The following MET variants were observed in gnomAD, a reference collection of about 807,000 sequenced individuals.
MET encodes the protein hepatocyte growth factor receptor.
In MET, 48 loss-of-function variants were observed where a neutral mutation model predicts 133.1. That is an observed-to-expected ratio of 0.36 (90% CI 0.29 to 0.46). The LOEUF (loss-of-function observed/expected upper bound fraction) is 0.46, where lower values mean the gene tolerates loss of function less well. Ranked by LOEUF, MET falls within the 20% of genes least tolerant of loss-of-function variation. The probability of loss-of-function intolerance (pLI) is 1.00; values close to 1 mark genes in which losing one functional copy is unlikely to be tolerated. For missense variants in MET, 1,442 were observed against 1,695.9 expected, an observed-to-expected ratio of 0.85 and a Z score of 2.63; for synonymous variants, 628 against 616.5, an observed-to-expected ratio of 1.02 and a Z score of -0.28.
At chr7:116,724,769 CA>C (rs34822187) in intron 2 of MET, 538,081 of 1,253,188 alleles carry the variant, frequency 0.43, 120,135 homozygotes, top group Admixed American at 0.5. Flanking sequence ...TCTCCCTTTA[CA>C]GGCAGAAAAT....
chr7:116,788,813 G>C (rs555729609), intron 19 of MET, among the ~76,000 whole-genome samples: 1 of 152,178 alleles, frequency 6.6e-6, no homozygotes, highest in African/African-American at 2.4e-5. Flanking sequence ...AAACTTGCCT[G>C]CTTGTAGATT....
rs1791894191 is a variant in MET at position 116,708,889 on chromosome 7, C to T, written c.1200+8605C>T. Among the ~76,000 whole-genome samples, 7 of 152,128 alleles carry T rather than the reference C, an allele frequency of 4.6e-5. No homozygotes were observed. In the South Asian group the frequency reaches 1.4e-3, roughly 32 times the overall value. ...CAAGAGAAACATAAGAATCTGAGAA[C>T]ACACAAAATAAGCTCTTTTGAAACT... On this transcript the variant is annotated intron_variant, in intron 2 of 20. Transcript: ENST00000397752.
chr7:116,700,658 A>G (rs748269416), intron 2 of MET, among the ~76,000 whole-genome samples: 3 of 152,174 alleles, frequency 2.0e-5, no homozygotes, highest in Non-Finnish European at 4.4e-5. Context: ...ATAAAACATA[A>G]TTATTGACAT....
intron 5 of MET, 132 bp from the exon 6 acceptor site, chr7:116,755,223 T>G (rs896302251): frequency 1.8e-6 from 2 of 1,120,866 alleles, no homozygotes; most frequent in Non-Finnish European, 2.5e-6. Context: ...AAAATTAAAT[T>G]TTTACTAAAT....
At chr7:116,724,262 C>A in intron 2 of MET, 1 of 170,520 alleles carries the variant, frequency 5.9e-6, no homozygotes, top group Non-Finnish European at 1.3e-5. Flanking sequence ...GCGTCTGTCA[C>A]CCCTTTCTTT....
intron 5 of MET, among the ~76,000 whole-genome samples, chr7:116,753,038 A>G (rs1408855733): frequency 6.6e-6 from 1 of 152,230 alleles, no homozygotes; most frequent in Non-Finnish European, 1.5e-5. Context: ...TGGATGAGGT[A>G]AATTTTCAGG....
chr7:116,714,504 T>A (rs1371861635), intron 2 of MET, among the ~76,000 whole-genome samples: 2 of 152,156 alleles, frequency 1.3e-5, no homozygotes. Flanking sequence ...TTTCCTAGTC[T>A]TAGAGGATTT....
In MET at chr7:116,709,747, G is replaced by A. The variant is rs978328375; in HGVS notation, c.1200+9463G>A. 2.6e-5 allele frequency among the ~76,000 whole-genome samples: 4 copies of A among 152,032 alleles called. No individual in the cohort carries two copies. The South Asian group carries it at 8.3e-4, about 32-fold the overall frequency. Reference sequence around the variant, plus strand: ...TGAGTGTAAAAAACTGTTTACAAGAGTACACTGTGTATAGGGGTTACACAC... The same window carrying A: ...TGAGTGTAAAAAACTGTTTACAAGAATACACTGTGTATAGGGGTTACACAC... On this transcript the variant is annotated intron_variant, in intron 2 of 20. Transcript: ENST00000397752.
intron 3 of MET, among the ~76,000 whole-genome samples, chr7:116,732,885 G>T (rs1320196271): frequency 6.6e-6 from 1 of 151,996 alleles, no homozygotes; most frequent in Non-Finnish European, 1.5e-5. Flanking sequence ...GTACTAAAGG[G>T]CATGGTGGAA....
Position 116,778,938 on chromosome 7 carries a change from T to C in MET, c.3503T>C (p.Phe1168Ser), listed in dbSNP as rs1423699789. The part of the protein sequence containing the change: ...PYMKHGDLRN[F>S]IRNETHNPTV... Reference sequence around the variant, plus strand: ...ATGAAACATGGAGATCTTCGAAATTTCATTCGAAATGAGACTCATGTAAGT... The same window carrying C: ...ATGAAACATGGAGATCTTCGAAATTCCATTCGAAATGAGACTCATGTAAGT... Residue 1168 changes from phenylalanine (F) to serine (S), a missense_variant, in exon 17 of 21, where the codon TTC becomes TCC. By Grantham distance (155) the Phe-to-Ser change is radical. Coordinates refer to ENST00000397752, the MANE Select transcript of MET (RefSeq NM_000245.4). The C allele has an allele frequency of 1.1e-5, 17 of 1,613,882 alleles. No homozygotes were observed. The highest frequency in any genetic ancestry group is 1.4e-5 in the Non-Finnish European group (17 of 1,179,928).
In MET at chr7:116,771,904, T is replaced by C. The variant is rs45561544; in HGVS notation, c.2943T>C (p.Asp981=). The C allele has an allele frequency of 6.2e-7, 1 of 1,613,898 alleles. No individual in the cohort carries two copies. ...CAAGAGTACACACTCCTCATTTGGA[T>C]AGGCTTGTAAGTGCCCGAAGTGTAA... is the stretch of plus-strand genomic sequence containing the variant. ...YDARVHTPHL[D]RLVSARSVSP... is the part of the protein sequence containing the mutation. The change falls in exon 14 of 21, where the codon GAT becomes GAC. Residue 981 remains aspartate, a synonymous_variant. Transcript: ENST00000397752.
intron 2 of MET, among the ~76,000 whole-genome samples, chr7:116,712,992 C>T (rs1792055594): frequency 1.3e-5 from 2 of 152,124 alleles, no homozygotes; most frequent in South Asian, 4.1e-4. Flanking sequence ...GTGGGCGTGG[C>T]TTGAGCAGTG....
chr7:116,744,355 G>A (rs1467450377), intron 5 of MET, among the ~76,000 whole-genome samples: 1 of 151,986 alleles, frequency 6.6e-6, no homozygotes, highest in African/African-American at 2.4e-5. Flanking sequence ...ATGACCTGAT[G>A]GAGCTGAAAA....
At chr7:116,688,260 G>T (rs1796630856) in intron 1 of MET, among the ~76,000 whole-genome samples, 1 of 152,078 alleles carries the variant, frequency 6.6e-6, no homozygotes, top group South Asian at 2.1e-4. Context: ...GACTTGGAAA[G>T]ATGTTTCTCA....
At chr7:116,787,776 G>A (rs1231690050) in intron 19 of MET, among the ~76,000 whole-genome samples, 1 of 152,142 alleles carries the variant, frequency 6.6e-6, no homozygotes, top group Non-Finnish European at 1.5e-5. Flanking sequence ...TTTTAAGTAA[G>A]CAGAAGATTT....
intron 2 of MET, among the ~76,000 whole-genome samples, chr7:116,701,375 A>G (rs1266867499): frequency 1.3e-5 from 2 of 152,210 alleles, no homozygotes; most frequent in Admixed American, 6.5e-5. Flanking sequence ...AACATTAAAC[A>G]TGTCCTCAGT....
intron 12 of MET, 57 bp from the exon 13 acceptor site, chr7:116,771,441 G>T: frequency 6.2e-7 from 1 of 1,606,244 alleles, no homozygotes; most frequent in Non-Finnish European, 8.5e-7. Context: ...TACAACCTGT[G>T]TAGTACAAAT....
chr7:116,792,456 GACACACACACACACACAC>G (rs56212730), intron 19 of MET, among the ~76,000 whole-genome samples: 7 of 80,708 alleles, frequency 8.7e-5, no homozygotes, highest in South Asian at 5.7e-4. Context: ...TCAACCGACA[GACACACACACACACACAC>G]ACACACACAC....
At chr7:116,675,474 T>C (rs1052354725) in intron 1 of MET, among the ~76,000 whole-genome samples, 4 of 152,230 alleles carry the variant, frequency 2.6e-5, no homozygotes, top group East Asian at 1.9e-4. Context: ...ATTTTCAAGC[T>C]GTTTCTGCAT....
Sources: gnomAD v4.1 joint callset for allele counts (sites outside exome capture counted in the v4.1 genomes callset) on GRCh38, gnomAD v4.1.1 for gene constraint, MANE v1.5 for transcripts, NCBI Gene and HGNC (gene_info 2026-07-23, HGNC 2026-07-21) for gene names.